The following NOX1 variants were observed in gnomAD, a reference collection of about 807,000 sequenced individuals.
NOX1 encodes the protein NADH/NADPH mitogenic oxidase subunit P65-MOX.
In NOX1, 34 loss-of-function variants were observed where a neutral mutation model predicts 42.5. That is an observed-to-expected ratio of 0.80 (90% CI 0.61 to 1.07). The LOEUF (loss-of-function observed/expected upper bound fraction) is 1.07. Among genes scored for constraint, NOX1 ranks in the 50% least tolerant of loss-of-function variants. The pLI is 0.00. For synonymous variants in NOX1, 143 were observed against 152.5 expected (o/e 0.94, Z 0.46); for missense variants, 408 against 427.0 (o/e 0.96, Z 0.39).
intron 1 of NOX1, among the ~76,000 whole-genome samples, chrX:100,873,237 G>C (rs1230445333): frequency 9.0e-6 from 1 of 111,537 alleles, no homozygotes; most frequent in Non-Finnish European, 1.9e-5. Flanking sequence ...AGAGGTGTTA[G>C]AGTGTTAGGA....
At chrX:100,870,342 A>G (rs1435665851) in intron 2 of NOX1, among the ~76,000 whole-genome samples, 1 of 110,063 alleles carries the variant, frequency 9.1e-6, no homozygotes, top group East Asian at 2.8e-4. Flanking sequence ...GGAACACCTG[A>G]GTTTCTGGAA....
In NOX1 at chrX:100,848,721, TG is replaced by T; in HGVS notation, c.1476del (p.Thr493LeufsTer4). ...TGTTTCAGACCTGTCACGATGTCAG[TG>T]GCCTTGTCAAAGTTTAATGCTGCAT... ...VGHAALNFDK[A>X]TDIVTGLKQK... On this transcript the variant is annotated frameshift_variant, in exon 12 of 13. Coordinates refer to ENST00000372966, the MANE Select transcript of NOX1 (RefSeq NM_007052.5). LOFTEE classifies it high-confidence loss of function. 8.3e-7 allele frequency: 1 copy of T among 1,211,568 alleles called. No individual in the cohort carries two copies. Among genetic ancestry groups the T allele is most frequent in the Non-Finnish European group, 1.1e-6 (1 of 894,996 alleles).
chrX:100,857,241 A>G (rs973868165), intron 7 of NOX1, among the ~76,000 whole-genome samples: 2 of 112,147 alleles, frequency 1.8e-5, no homozygotes, highest in African/African-American at 3.2e-5. Flanking sequence ...GTAGTATTCC[A>G]TGGTATATAT....
intron 12 of NOX1, among the ~76,000 whole-genome samples, chrX:100,847,626 C>A (rs780883128): frequency 1.8e-5 from 2 of 108,315 alleles, no homozygotes; most frequent in Non-Finnish European, 3.8e-5. Context: ...ATTAGCTGGG[C>A]ATGGTGGTGG....
rs371918050 is a variant in NOX1, at chrX:100,849,841, G to A, written c.1227C>T (p.Pro409=). The A allele has an allele frequency of 6.6e-6, 8 of 1,209,482 alleles. No homozygotes were observed. The African/African-American group carries it at 1.4e-4, about 21-fold the overall frequency. Residue 409 remains proline, a synonymous_variant, in exon 10 of 13, where the codon CCC becomes CCT. Transcript: ENST00000372966. ...AGATGGATTTCAAGATAGAAGCAAA[G>A]GGGGTGACCCCAATTCCTGCTCCAA... The part of the protein sequence containing the change: ...VLVGAGIGVT[P]FASILKSIWY...
At chrX:100,856,419 A>G (rs2085167517) in intron 7 of NOX1, 3 of 482,684 alleles carry the variant, frequency 6.2e-6, no homozygotes, top group Non-Finnish European at 1.1e-5. Flanking sequence ...ATGCTTCTTC[A>G]GTGGCGTACA....
chrX:100,848,318 TTC>T (rs769236097), intron 12 of NOX1, among the ~76,000 whole-genome samples: 2 of 110,710 alleles, frequency 1.8e-5, no homozygotes, highest in African/African-American at 6.6e-5. Context: ...GAGACAGAGT[TTC>T]TCTCTTGTTG....
In NOX1 at chrX:100,844,079, C is replaced by G. The variant is rs1354208087; in HGVS notation, c.1569-1G>C. On this transcript the variant is annotated splice_acceptor_variant, in intron 12 of 12. Transcript: ENST00000372966. LOFTEE classifies it high-confidence loss of function. ...ACATAAGAAAACTCCCACTACAGAC[C>G]TGTAGGAACAGAACAATAGTAAGGG... 2 of 1,181,510 alleles carry G rather than the reference C, an allele frequency of 1.7e-6. No homozygotes were observed. The highest frequency in any genetic ancestry group is 2.3e-4 in the Middle Eastern group (1 of 4,296).
At chrX:100,857,491 A>C in intron 7 of NOX1, among the ~76,000 whole-genome samples, 1 of 112,067 alleles carries the variant, frequency 8.9e-6, no homozygotes, top group Non-Finnish European at 1.9e-5. Context: ...TTACATTTCC[A>C]CCAGCACTGT....
chrX:100,847,697 C>T (rs1327727048), intron 12 of NOX1, among the ~76,000 whole-genome samples: 2 of 97,978 alleles, frequency 2.0e-5, no homozygotes, highest in Admixed American at 1.2e-4. Context: ...ACCCGGGATT[C>T]GGAGATTGCA....
At chrX:100,873,489 T>C (rs1370375090) in intron 1 of NOX1, among the ~76,000 whole-genome samples, 2 of 112,130 alleles carry the variant, frequency 1.8e-5, no homozygotes, top group Non-Finnish European at 3.8e-5. Flanking sequence ...TGGGTATATA[T>C]ACACATCAGA....
intron 7 of NOX1, chrX:100,855,331 C>G: frequency 1.7e-6 from 1 of 585,913 alleles, no homozygotes. Context: ...GCTACTGGAA[C>G]CGCCATAGCC....
intron 2 of NOX1, among the ~76,000 whole-genome samples, chrX:100,869,516 C>T (rs1349831642): frequency 1.8e-5 from 2 of 110,481 alleles, no homozygotes; most frequent in Non-Finnish European, 3.8e-5. Context: ...GATTTTGTAT[C>T]CTGAGACTTT....
At chrX:100,849,031 G>A (rs1316146577) in intron 11 of NOX1, among the ~76,000 whole-genome samples, 1 of 110,441 alleles carries the variant, frequency 9.1e-6, no homozygotes, top group Non-Finnish European at 1.9e-5. Context: ...AGCCAAGATC[G>A]CACCATTGCA....
chrX:100,854,806 G>T (rs1446335278), intron 7 of NOX1, among the ~76,000 whole-genome samples: 2 of 111,077 alleles, frequency 1.8e-5, no homozygotes, highest in African/African-American at 6.5e-5. Flanking sequence ...TTACACCAAG[G>T]TTTCTGAAGA....
chrX:100,869,634 C>G (rs1443820327), intron 2 of NOX1, among the ~76,000 whole-genome samples: 1 of 105,013 alleles, frequency 9.5e-6, no homozygotes, highest in Non-Finnish European at 2.0e-5. Flanking sequence ...TCCTCTTTTC[C>G]TAATTGAATA....
chrX:100,868,079 T>G (rs1472842473), intron 2 of NOX1, among the ~76,000 whole-genome samples: 1 of 112,213 alleles, frequency 8.9e-6, no homozygotes, highest in Admixed American at 9.5e-5. Context: ...TATTGCATCA[T>G]TCTCTTAGTA....
At position 100,850,365 on chromosome X, in the gene NOX1, C is replaced by T; in HGVS notation, c.919G>A (p.Val307Ile). The T allele has an allele frequency of 1.7e-6, 2 of 1,191,629 alleles. No homozygotes were observed. The highest frequency in any genetic ancestry group is 2.3e-6 in the Non-Finnish European group (2 of 883,481). Residue 307 changes from valine to isoleucine, a missense_variant, in exon 9 of 13, where the codon GTT becomes ATT. By Grantham distance (29) the Val-to-Ile change is conservative. Transcript: ENST00000372966. ...CGCTTGTTCATCTGCAATTCCAAAA[C>T]TTTGGATGGGTGCATAACAACCTGT... ...ITKVVMHPSK[V>I]LELQMNKRGF... is the part of the protein sequence containing the mutation.
intron 7 of NOX1, among the ~76,000 whole-genome samples, chrX:100,856,584 T>A (rs1450445504): frequency 2.7e-5 from 3 of 111,028 alleles, no homozygotes; most frequent in African/African-American, 9.8e-5. Flanking sequence ...AATTACTTTT[T>A]TTTTTTGAGA....
Sources: allele counts gnomAD v4.1 joint callset (sites outside exome capture counted in the v4.1 genomes callset), GRCh38; gene constraint gnomAD v4.1.1; transcripts MANE v1.5; gene names NCBI Gene and HGNC (gene_info 2026-07-23, HGNC 2026-07-21).